NRG3: variants seen among roughly 807,000 people sequenced by gnomAD.
The protein encoded by NRG3 is neuregulin 3, also known as pro-neuregulin-3, membrane-bound isoform.
NRG3 carries 31 observed loss-of-function variants against 66.9 expected under a neutral mutation model. The ratio of observed to expected loss-of-function variants is 0.46; its 90% confidence interval spans 0.35 to 0.63. The LOEUF is 0.63. Among genes scored for constraint, NRG3 ranks in the 20% least tolerant of loss-of-function variants. NRG3 has a pLI of 0.00. For missense variants in NRG3, 910 were observed against 878.9 expected (o/e 1.04, Z -0.45); for synonymous variants, 393 against 359.4 (o/e 1.09, Z -1.06).
intron 2 of NRG3, among the ~76,000 whole-genome samples, chr10:82,399,540 C>T (rs2086939053): frequency 1.3e-5 from 2 of 152,164 alleles, no homozygotes; most frequent in South Asian, 2.1e-4. Context: ...AGGGTGCCTA[C>T]ATGGCCTGGT....
intron 7 of NRG3, among the ~76,000 whole-genome samples, chr10:82,976,961 C>A (rs1216904723): frequency 6.6e-6 from 1 of 152,006 alleles, no homozygotes; most frequent in Non-Finnish European, 1.5e-5. Flanking sequence ...TCATTTATTG[C>A]TTTTTTTGCC....
chr10:81,902,608 C>T (rs1048831232), intron 1 of NRG3, among the ~76,000 whole-genome samples: 2 of 152,162 alleles, frequency 1.3e-5, no homozygotes, highest in Non-Finnish European at 2.9e-5. Context: ...ACTTCCCTGC[C>T]TATAGAATAA....
At chr10:82,531,626 T>G (rs1362084968) in intron 2 of NRG3, among the ~76,000 whole-genome samples, 1 of 151,876 alleles carries the variant, frequency 6.6e-6, no homozygotes, top group Non-Finnish European at 1.5e-5. Context: ...GTTTACACAT[T>G]AAATCACGTG....
intron 1 of NRG3, among the ~76,000 whole-genome samples, chr10:81,878,897 T>C (rs1391195455): frequency 6.6e-6 from 1 of 152,220 alleles, no homozygotes; most frequent in Non-Finnish European, 1.5e-5. Flanking sequence ...AAGGATCCTG[T>C]CTCTTTGGAG....
intron 2 of NRG3, among the ~76,000 whole-genome samples, chr10:82,619,266 A>AT (rs1309075108): frequency 6.6e-6 from 1 of 152,190 alleles, no homozygotes; most frequent in Non-Finnish European, 1.5e-5. Context: ...ATCTGGCACC[A>AT]TTATGTGAAT....
intron 2 of NRG3, among the ~76,000 whole-genome samples, chr10:82,641,087 G>C (rs2050549098): frequency 1.2e-4 from 1 of 8,250 alleles, no homozygotes; most frequent in Non-Finnish European, 3.1e-4. Flanking sequence ...CTGGAGTGCA[G>C]TGGCGCAATC....
intron 2 of NRG3, among the ~76,000 whole-genome samples, chr10:82,697,914 A>G (rs957142001): frequency 3.3e-5 from 5 of 152,134 alleles, no homozygotes; most frequent in African/African-American, 1.2e-4. Context: ...AGGCTGTGAC[A>G]GTCCCGCTCT....
intron 2 of NRG3, among the ~76,000 whole-genome samples, chr10:82,621,807 C>T (rs549394928): frequency 3.0e-4 from 45 of 152,322 alleles, no homozygotes; most frequent in Non-Finnish European, 5.7e-4. Context: ...TCTACATTTT[C>T]ACAGCTACTT....
intron 1 of NRG3, among the ~76,000 whole-genome samples, chr10:82,048,506 A>G (rs1489445503): frequency 1.3e-5 from 2 of 151,812 alleles, no homozygotes; most frequent in African/African-American, 4.8e-5. Context: ...ACTACTGGGT[A>G]CATAACGAAA....
In NRG3 at chr10:81,954,553, T is replaced by C. The variant is rs964338907; in HGVS notation, c.823+78390T>C. Reference sequence around the variant, plus strand: ...AGAGCTTGCTTTCTCTCTCTCTCTATTTTTTCTTTTGGACCCCACAATTTC... The same window carrying C: ...AGAGCTTGCTTTCTCTCTCTCTCTACTTTTTCTTTTGGACCCCACAATTTC... On this transcript the variant is annotated intron_variant, in intron 1 of 8. Transcript: ENST00000372141. 2.0e-5 allele frequency among the ~76,000 whole-genome samples: 3 copies of C among 152,210 alleles called. No individual in the cohort carries two copies. The South Asian group carries it at 6.2e-4, about 32-fold the overall frequency.
At chr10:81,934,579 C>G (rs566762936) in intron 1 of NRG3, among the ~76,000 whole-genome samples, 1 of 152,268 alleles carries the variant, frequency 6.6e-6, no homozygotes, top group Admixed American at 6.5e-5. Context: ...TCCAAGCATA[C>G]TGTAATAGAT....
chr10:82,365,470 C>T (rs1287489940), intron 2 of NRG3, among the ~76,000 whole-genome samples: 3 of 151,940 alleles, frequency 2.0e-5, no homozygotes, highest in Admixed American at 6.6e-5. Context: ...GGTGGTCTAC[C>T]GATTGCTTTT....
chr10:82,312,634 G>A (rs777937954), intron 1 of NRG3, among the ~76,000 whole-genome samples: 21 of 152,170 alleles, frequency 1.4e-4, no homozygotes, highest in Non-Finnish European at 2.6e-4. Flanking sequence ...CTTGGATTAG[G>A]GGGTATTGCA....
intron 1 of NRG3, among the ~76,000 whole-genome samples, chr10:82,271,010 A>T (rs2078566113): frequency 6.6e-6 from 1 of 152,136 alleles, no homozygotes; most frequent in African/African-American, 2.4e-5. Flanking sequence ...ATTGCCAGCC[A>T]GAAAATCATA....
chr10:82,000,035 A>C (rs1490292204), intron 1 of NRG3, among the ~76,000 whole-genome samples: 1 of 152,194 alleles, frequency 6.6e-6, no homozygotes, highest in Admixed American at 6.5e-5. Flanking sequence ...CTATCCAAAC[A>C]TATCAGTTTG....
At chr10:82,742,767 T>G (rs1265434442) in intron 3 of NRG3, among the ~76,000 whole-genome samples, 2 of 152,110 alleles carry the variant, frequency 1.3e-5, no homozygotes, top group African/African-American at 4.8e-5. Flanking sequence ...GAAGCTGACT[T>G]GTAGACTCCT....
At chr10:82,896,481 A>C (rs947225668) in intron 4 of NRG3, among the ~76,000 whole-genome samples, 4 of 152,228 alleles carry the variant, frequency 2.6e-5, no homozygotes, top group Non-Finnish European at 5.9e-5. Flanking sequence ...TTGTGGATAT[A>C]GATAAATAGC....
At chr10:82,949,403 ATTGT>A (rs1438964828) in intron 4 of NRG3, among the ~76,000 whole-genome samples, 1 of 151,924 alleles carries the variant, frequency 6.6e-6, no homozygotes, top group Non-Finnish European at 1.5e-5. Flanking sequence ...ATTTGAATCG[ATTGT>A]TTTTCTTTAA....
chr10:82,727,057 C>T (rs1399334822), intron 2 of NRG3, among the ~76,000 whole-genome samples: 5 of 152,090 alleles, frequency 3.3e-5, no homozygotes, highest in African/African-American at 1.2e-4. Flanking sequence ...AATTTCCAAG[C>T]AGCAAAGCAT....
Sources: gnomAD v4.1 joint callset for allele counts (sites outside exome capture counted in the v4.1 genomes callset) on GRCh38, gnomAD v4.1.1 for gene constraint, MANE v1.5 for transcripts, NCBI Gene and HGNC (gene_info 2026-07-23, HGNC 2026-07-21) for gene names.